Variants in ALDH8A1 observed in about 807,000 individuals in gnomAD.
The protein encoded by ALDH8A1 is 2-aminomuconic semialdehyde dehydrogenase.
Under a neutral mutation model 43.3 loss-of-function variants are expected in ALDH8A1, and 39 were observed. The ratio of observed to expected loss-of-function variants is 0.90; its 90% CI spans 0.70 to 1.18. The LOEUF is 1.18. Ranked by LOEUF, ALDH8A1 falls within the 50% of genes most tolerant of loss-of-function variation. The pLI is 0.00. For synonymous variants in ALDH8A1, 233 were observed against 243.5 expected (o/e 0.96, Z 0.40); for missense variants, 605 against 622.6 (o/e 0.97, Z 0.30).
intron 2 of ALDH8A1, among the ~76,000 whole-genome samples, 171 bp from the exon 3 acceptor site, chr6:134,942,735 C>G (rs533395143): frequency 1.3e-5 from 2 of 152,122 alleles, no homozygotes; most frequent in Non-Finnish European, 2.9e-5. Context: ...TAAAACCATA[C>G]AATATTTAGG....
intron 5 of ALDH8A1, among the ~76,000 whole-genome samples, chr6:134,930,527 T>C (rs189261132): frequency 3.9e-5 from 6 of 152,356 alleles, no homozygotes; most frequent in Admixed American, 1.3e-4. Context: ...ACAACAATCT[T>C]AGAAAATAGA....
chr6:134,946,786 G>GTGCACAGGTGCACATGTGTGCGCGCA (rs534082327), intron 1 of ALDH8A1, among the ~76,000 whole-genome samples: 1 of 150,040 alleles, frequency 6.7e-6, no homozygotes, highest in Non-Finnish European at 1.5e-5. Flanking sequence ...GTGTGCGCGC[G>GTGCACAGGTGCACATGTGTGCGCGCA]CGCACAGGTG....
At position 134,929,227 on chromosome 6, in the gene ALDH8A1, G is replaced by C; in HGVS notation, c.850-12C>G. On this transcript the variant is annotated splice_polypyrimidine_tract_variant and intron_variant, in intron 5 of 6. Transcript: ENST00000265605. ...AGACAGATTTCACCCTGCCAAGAAT[G>C]AGAACAGGGATAAGGCTGCGGACAC... 1.2e-6 allele frequency: 2 copies of C among 1,613,278 alleles called. No individual in the cohort carries two copies. The highest frequency in any genetic ancestry group is 1.7e-6 in the Non-Finnish European group (2 of 1,179,632).
chr6:134,922,275 G>A lies in ALDH8A1; in HGVS notation c.1012-3408C>T, dbSNP rs139628317. Among the ~76,000 whole-genome samples, 531 of 152,290 alleles carry A rather than the reference G, an allele frequency of 3.5e-3. 1 individual carries two copies. The highest frequency in any genetic ancestry group is 0.012 in the African/African-American group (501 of 41,538). On this transcript the variant is annotated intron_variant, in intron 6 of 6. Coordinates refer to ENST00000265605, the MANE Select transcript of ALDH8A1 (RefSeq NM_022568.4). ...CAAGGCAAGCCACATAGATAGCAGC[G>A]TTTTAGATGTGCTGTGGTTATGGAA...
At chr6:134,945,249 T>C (rs1373572408) in intron 1 of ALDH8A1, among the ~76,000 whole-genome samples, 2 of 152,158 alleles carry the variant, frequency 1.3e-5, no homozygotes, top group Admixed American at 1.3e-4. Flanking sequence ...ACTCAAGCAA[T>C]TTGCCATAGG....
intron 3 of ALDH8A1, 168 bp downstream of exon 3, chr6:134,942,241 A>T (rs1239886656): frequency 2.3e-6 from 2 of 887,112 alleles, no homozygotes; most frequent in African/African-American, 3.4e-5. Flanking sequence ...AGGGAATTTG[A>T]CACAAAGAAA....
intron 1 of ALDH8A1, among the ~76,000 whole-genome samples, chr6:134,947,776 A>T (rs1290432460): frequency 6.6e-6 from 1 of 152,100 alleles, no homozygotes; most frequent in Admixed American, 6.5e-5. Context: ...AAAAAAAGGG[A>T]AGACAAATAC....
chr6:134,946,762 A>ACACAGGTGCGCATGTGTGCGCGCGCG lies in ALDH8A1; in HGVS notation c.139-2822_139-2797dup, dbSNP rs565981224. On this transcript the variant is annotated intron_variant, in intron 1 of 6. Transcript: ENST00000265605. The stretch of plus-strand genomic sequence containing the variant: ...ATGCTATAATGCAAATGTGCTATGC[A>ACACAGGTGCGCATGTGTGCGCGCGCG]CACAGGTGCGCATGTGTGCGCGCGC... Among the ~76,000 whole-genome samples the ACACAGGTGCGCATGTGTGCGCGCGCG allele has an allele frequency of 9.0e-5, 7 of 77,674 alleles. No individual in the cohort carries two copies. The South Asian group carries it at 1.5e-3, about 16-fold the overall frequency. The allele number at this position is 77,674 out of a possible 152,430, so 51.0% of individuals were successfully genotyped here. A position where few individuals can be genotyped will look rare whatever the true frequency, so the allele number is the denominator to read the frequency against.
chr6:134,928,043 G>C (rs1309463986), intron 6 of ALDH8A1, among the ~76,000 whole-genome samples: 1 of 152,168 alleles, frequency 6.6e-6, no homozygotes, highest in Admixed American at 6.5e-5. Context: ...AACAAGCCAT[G>C]CTGGTCATCC....
In ALDH8A1 at chr6:134,929,054, T is replaced by C. The variant is rs370245282; in HGVS notation, c.1011A>G (p.Lys337=). ...GALISKAHLE[K]VRSYVKRALA... ...ACTTACATGGCAGAAATTTACTTACTTTCTCCAAATGTGCTTTACTTATCA... is the reference window on the plus strand; with the variant it reads ...ACTTACATGGCAGAAATTTACTTACCTTCTCCAAATGTGCTTTACTTATCA... Residue 337 remains lysine, a splice_region_variant and synonymous_variant, in exon 6 of 7, where the codon AAA becomes AAG. Coordinates refer to ENST00000265605, the MANE Select transcript of ALDH8A1 (RefSeq NM_022568.4). 1 of 1,612,528 alleles carries C rather than the reference T, an allele frequency of 6.2e-7. No individual in the cohort carries two copies. The highest frequency in any genetic ancestry group is 8.5e-7 in the Non-Finnish European group (1 of 1,179,584).
chr6:134,926,294 G>C (rs1289967847), intron 6 of ALDH8A1, among the ~76,000 whole-genome samples: 1 of 146,842 alleles, frequency 6.8e-6, no homozygotes. Context: ...CCACCTCCCA[G>C]GCTCAAGCAA....
chr6:134,945,108 A>T (rs1773929328), intron 1 of ALDH8A1, among the ~76,000 whole-genome samples: 1 of 152,012 alleles, frequency 6.6e-6, no homozygotes, highest in Non-Finnish European at 1.5e-5. Flanking sequence ...TTTATAATTT[A>T]TTGACTAATT....
intron 1 of ALDH8A1, among the ~76,000 whole-genome samples, chr6:134,948,585 G>A (rs1379416697): frequency 1.3e-5 from 2 of 152,130 alleles, no homozygotes; most frequent in Non-Finnish European, 1.5e-5. Context: ...GAATAAACGG[G>A]AGCCACTGTT....
intron 1 of ALDH8A1, among the ~76,000 whole-genome samples, chr6:134,946,373 T>C (rs1773949306): frequency 6.6e-6 from 1 of 152,216 alleles, no homozygotes; most frequent in Non-Finnish European, 1.5e-5. Context: ...ACAGTCAATG[T>C]AAAAATCTGG....
chr6:134,927,478 C>T (rs564692792), intron 6 of ALDH8A1, among the ~76,000 whole-genome samples: 108 of 152,200 alleles, frequency 7.1e-4, no homozygotes, highest in Admixed American at 6.9e-3. Context: ...GCATCAATTT[C>T]TCTCTCCCTT....
intron 1 of ALDH8A1, among the ~76,000 whole-genome samples, chr6:134,944,551 A>G (rs1773919470): frequency 6.6e-6 from 1 of 152,164 alleles, no homozygotes; most frequent in Admixed American, 6.5e-5. Context: ...GAATTTTAAC[A>G]TATGTACATT....
intron 6 of ALDH8A1, among the ~76,000 whole-genome samples, chr6:134,927,839 A>G (rs554178196): frequency 6.6e-6 from 1 of 152,214 alleles, no homozygotes; most frequent in African/African-American, 2.4e-5. Flanking sequence ...TTCACCAGAC[A>G]TTTGCAGGTG....
chr6:134,927,599 C>G (rs1422540265), intron 6 of ALDH8A1, among the ~76,000 whole-genome samples: 3 of 152,112 alleles, frequency 2.0e-5, no homozygotes, highest in African/African-American at 4.8e-5. Flanking sequence ...TATATATTCT[C>G]TCACTGGGTA....
intron 6 of ALDH8A1, among the ~76,000 whole-genome samples, chr6:134,923,068 C>T (rs1776830595): frequency 6.6e-6 from 1 of 152,148 alleles, no homozygotes. Flanking sequence ...CACTGTCGCC[C>T]AGGCTGGAAT....
Sources: gnomAD v4.1 joint callset for allele counts (sites outside exome capture counted in the v4.1 genomes callset) on GRCh38, gnomAD v4.1.1 for gene constraint, MANE v1.5 for transcripts, NCBI Gene and HGNC (gene_info 2026-07-23, HGNC 2026-07-21) for gene names.